The following DCTN5 variants were observed in gnomAD, a reference collection of about 807,000 sequenced individuals.
DCTN5 encodes the protein dynactin 4.
Under a neutral mutation model 23.5 loss-of-function variants are expected in DCTN5, and 14 were observed. That is an observed-to-expected ratio of 0.60 (90% CI 0.39 to 0.93). DCTN5 has a LOEUF of 0.93. DCTN5 is among the 40% of genes least tolerant of loss of function. DCTN5 has a pLI of 0.00. For missense variants in DCTN5, 156 were observed against 225.9 expected (o/e 0.69, Z 1.98); for synonymous variants, 67 against 79.6 (o/e 0.84, Z 0.84).
rs562061552 is a variant in DCTN5, at chr16:23,650,843, C to T, written c.118-7664C>T. ...AAAGAGATCAGATGAGTCAGTAAGACTGAGTGTGAACAATAGAGAGTGGTG... is the reference window on the plus strand; with the variant it reads ...AAAGAGATCAGATGAGTCAGTAAGATTGAGTGTGAACAATAGAGAGTGGTG... On this transcript the variant is annotated intron_variant, in intron 2 of 5. Transcript: ENST00000300087. 12 of 1,465,248 alleles carry T rather than the reference C, an allele frequency of 8.2e-6. No homozygotes were observed. In the African/African-American group the frequency reaches 1.5e-4, roughly 19 times the overall value. The allele number at this position is 1,465,248 out of a possible 1,614,324, so 90.8% of individuals were successfully genotyped here.
chr16:23,673,284 T>G lies in DCTN5; in HGVS notation c.*6140T>G, dbSNP rs1357076725. 6.6e-6 allele frequency: 1 copy of G among 152,202 alleles called. No individual in the cohort carries two copies. The highest frequency in any genetic ancestry group is 6.5e-5 in the Admixed American group (1 of 15,292). 9.4% of individuals were successfully genotyped at this position (152,202 alleles called of 1,614,324 possible). On this transcript the variant is annotated 3_prime_UTR_variant, in exon 6 of 6. Coordinates refer to ENST00000300087, the MANE Select transcript of DCTN5 (RefSeq NM_032486.4). ...TTAAAAAAAAACTTGCTTGTATTTG[T>G]TTATTTTTTAAATAGAGACAGGGTT...
At chr16:23,653,674 A>G (rs1326645522) in intron 2 of DCTN5, among the ~76,000 whole-genome samples, 1 of 152,234 alleles carries the variant, frequency 6.6e-6, no homozygotes, top group Non-Finnish European at 1.5e-5. Flanking sequence ...GCCAAAAGCA[A>G]TTGCAACAAA....
chr16:23,658,003 C>T (rs1967741484), intron 2 of DCTN5, among the ~76,000 whole-genome samples: 1 of 152,162 alleles, frequency 6.6e-6, no homozygotes, highest in South Asian at 2.1e-4. Flanking sequence ...CTGGGGAAGC[C>T]ACGCCTTACA....
Position 23,670,841 on chromosome 16 carries a change from G to T in DCTN5, c.*3697G>T, listed in dbSNP as rs1432887464. 2 of 152,174 alleles carry T rather than the reference G, an allele frequency of 1.3e-5. No homozygotes were observed. The highest frequency in any genetic ancestry group is 4.8e-5 in the African/African-American group (2 of 41,422). 9.4% of individuals were successfully genotyped at this position (152,174 alleles called of 1,614,324 possible). On this transcript the variant is annotated 3_prime_UTR_variant, in exon 6 of 6. Transcript: ENST00000300087. ...GAATATGTGCTTGCTTCCATTTAGGGGTAAGAAGGTGGGCCCCTCACCATA... is the reference window on the plus strand; with the variant it reads ...GAATATGTGCTTGCTTCCATTTAGGTGTAAGAAGGTGGGCCCCTCACCATA...
At position 23,641,496 on chromosome 16, in the gene DCTN5, C is replaced by T. The variant is rs763284273; in HGVS notation, c.-47C>T. On this transcript the variant is annotated 5_prime_UTR_variant, in exon 1 of 6. Coordinates refer to ENST00000300087, the MANE Select transcript of DCTN5 (RefSeq NM_032486.4). ...TAGCCGGAATCTCTGAAAGACTGAC[C>T]GACTGACTCTGACAGGATCCGGGGC... is the stretch of plus-strand genomic sequence containing the variant. 1.1e-5 allele frequency: 17 copies of T among 1,611,822 alleles called. No homozygotes were observed. The highest frequency in any genetic ancestry group is 9.3e-5 in the African/African-American group (7 of 74,888).
intron 2 of DCTN5, chr16:23,650,995 A>G (rs1967593720): frequency 1.4e-6 from 2 of 1,400,458 alleles, no homozygotes; most frequent in Admixed American, 2.8e-5. Context: ...AGCAACTGGA[A>G]ATCTCACTTT....
chr16:23,661,096 C>A, intron 3 of DCTN5, 74 bp from the exon 4 acceptor site: 4 of 972,966 alleles, frequency 4.1e-6, no homozygotes, highest in South Asian at 1.5e-5. Flanking sequence ...AAATTATGAT[C>A]TGTAGTTCTA....
chr16:23,645,137 A>ATATT (rs1555462995), intron 2 of DCTN5, among the ~76,000 whole-genome samples: 23 of 30,760 alleles, frequency 7.5e-4, no homozygotes, highest in African/African-American at 9.1e-4. Context: ...ATATATATAT[A>ATATT]TTTTTTTTTT....
At chr16:23,646,583 T>G (rs183341739) in intron 2 of DCTN5, among the ~76,000 whole-genome samples, 21 of 152,258 alleles carry the variant, frequency 1.4e-4, no homozygotes, top group East Asian at 7.7e-4. Flanking sequence ...TAATTTTTTT[T>G]TTTGTTTTTT....
chr16:23,658,937 G>T (rs1276512937), intron 3 of DCTN5, among the ~76,000 whole-genome samples: 2 of 152,186 alleles, frequency 1.3e-5, no homozygotes, highest in Non-Finnish European at 2.9e-5. Context: ...CCTGGAATTG[G>T]ACAGCTAGCC....
intron 1 of DCTN5, 124 bp from the exon 2 acceptor site, chr16:23,642,831 C>G (rs964560667): frequency 1.8e-5 from 14 of 777,974 alleles, no homozygotes; most frequent in Middle Eastern, 2.3e-4. Flanking sequence ...CCTGGACTCA[C>G]TCCATTGTGG....
At chr16:23,659,259 C>T (rs1291207581) in intron 3 of DCTN5, among the ~76,000 whole-genome samples, 1 of 152,168 alleles carries the variant, frequency 6.6e-6, no homozygotes, top group Non-Finnish European at 1.5e-5. Context: ...AAGTCAGGTC[C>T]ACTGATCCTT....
At chr16:23,654,433 AAC>A (rs1298532625) in intron 2 of DCTN5, among the ~76,000 whole-genome samples, 1 of 152,114 alleles carries the variant, frequency 6.6e-6, no homozygotes, top group Non-Finnish European at 1.5e-5. Flanking sequence ...AGAGGGGAAC[AAC>A]ACACACTGGG....
At chr16:23,656,362 C>T (rs1026724610) in intron 2 of DCTN5, among the ~76,000 whole-genome samples, 3 of 152,202 alleles carry the variant, frequency 2.0e-5, no homozygotes, top group African/African-American at 7.2e-5. Flanking sequence ...TTTTCCAGTT[C>T]ATTTGTTCAA....
At chr16:23,644,019 A>G (rs1357948085) in intron 2 of DCTN5, among the ~76,000 whole-genome samples, 2 of 152,246 alleles carry the variant, frequency 1.3e-5, no homozygotes, top group African/African-American at 4.8e-5. Context: ...CCAAGAGATC[A>G]CAAATATTTT....
Position 23,671,344 on chromosome 16 carries a change from AC to A in DCTN5, c.*4204del, listed in dbSNP as rs1968004383. 6.6e-5 allele frequency: 10 copies of A among 152,298 alleles called. No individual in the cohort carries two copies. Among genetic ancestry groups the A allele is most frequent in the South Asian group, 2.1e-4 (1 of 4,830 alleles). The allele number at this position is 152,298 out of a possible 1,614,324, so 9.4% of individuals were successfully genotyped here. A position where few individuals can be genotyped will look rare whatever the true frequency, so the allele number is the denominator to read the frequency against. ...TAGGAAGTGATACACCTTGAGCAAAACCCCTTAGAGTATAAGGCATAGCATT... is the reference window on the plus strand; with the variant it reads ...TAGGAAGTGATACACCTTGAGCAAAACCCTTAGAGTATAAGGCATAGCATT... On this transcript the variant is annotated 3_prime_UTR_variant, in exon 6 of 6. Transcript: ENST00000300087.
At chr16:23,655,719 A>AT (rs1967691905) in intron 2 of DCTN5, among the ~76,000 whole-genome samples, 2 of 151,416 alleles carry the variant, frequency 1.3e-5, no homozygotes, top group Non-Finnish European at 2.9e-5. Flanking sequence ...TAATTTTTGT[A>AT]TTTTTTGCAA....
intron 5 of DCTN5, chr16:23,666,508 G>A (rs1327878246): frequency 6.5e-6 from 1 of 154,058 alleles, no homozygotes; most frequent in Non-Finnish European, 1.4e-5. Context: ...AAAAGCAGAA[G>A]GAAGGAGAAA....
In DCTN5 at chr16:23,667,523, G is replaced by GCTCAC; in HGVS notation, c.*379_*380insCTCAC. 9.7e-6 allele frequency: 2 copies of GCTCAC among 206,796 alleles called. No individual in the cohort carries two copies. Among genetic ancestry groups the GCTCAC allele is most frequent in the Non-Finnish European group, 1.0e-5 (1 of 99,798 alleles). 12.8% of individuals were successfully genotyped at this position (206,796 alleles called of 1,614,324 possible). The stretch of plus-strand genomic sequence containing the variant: ...CTTCCGGTGTGGAGGCTATGTAGCT[G>GCTCAC]GTGCGCTGCTCACGGCCATTCACTG... On this transcript the variant is annotated 3_prime_UTR_variant, in exon 6 of 6. Coordinates refer to ENST00000300087, the MANE Select transcript of DCTN5 (RefSeq NM_032486.4).
Sources: gnomAD v4.1 joint callset for allele counts (sites outside exome capture counted in the v4.1 genomes callset) on GRCh38, gnomAD v4.1.1 for gene constraint, MANE v1.5 for transcripts, NCBI Gene and HGNC (gene_info 2026-07-23, HGNC 2026-07-21) for gene names.